AIG1: variants seen among roughly 807,000 people sequenced by gnomAD.
The protein encoded by AIG1 is androgen induced 1.
A neutral mutation model predicts 31.4 loss-of-function variants in AIG1; 23 were observed. That is an observed-to-expected ratio of 0.73 (90% CI 0.53 to 1.04). AIG1 has a LOEUF of 1.04. AIG1 is among the 50% of genes least tolerant of loss of function. The probability of loss-of-function intolerance (pLI) is 0.00; values close to 1 mark genes in which losing one functional copy is unlikely to be tolerated. For missense variants in AIG1, 274 were observed against 295.0 expected (o/e 0.93, Z 0.52); for synonymous variants, 100 against 110.5 (o/e 0.90, Z 0.60).
chr6:143,316,613 C>A (rs1775763524), intron 4 of AIG1, among the ~76,000 whole-genome samples: 1 of 151,792 alleles, frequency 6.6e-6, no homozygotes, highest in African/African-American at 2.4e-5. Context: ...AAGAACAAAC[C>A]AACCCAAACC....
chr6:143,061,046 T>A lies in AIG1; in HGVS notation c.121T>A (p.Phe41Ile). The A allele has an allele frequency of 6.2e-7, 1 of 1,612,942 alleles. No individual in the cohort carries two copies. Among genetic ancestry groups the A allele is most frequent in the Non-Finnish European group, 8.5e-7 (1 of 1,179,504 alleles). The change falls in exon 1 of 6, where the codon TTC (phenylalanine) becomes ATC (isoleucine). Residue 41 changes from phenylalanine to isoleucine, a missense_variant. Around this residue, in one of 2 missense-constraint regions of AIG1, gnomAD observed 243 missense variants for 238.5 expected, o/e 1.02. Transcript: ENST00000357847. ...CCAGACCTACGGAGGGAGCTGGAAA[T>A]TCCTGACGTTCATTGATCTGGTAAG... The part of the protein sequence containing the change: ...SHQTYGGSWK[F>I]LTFIDLVIQA...
At chr6:143,147,046 C>G (rs1432552728) in intron 2 of AIG1, among the ~76,000 whole-genome samples, 1 of 152,064 alleles carries the variant, frequency 6.6e-6, no homozygotes. Context: ...CCTAAGCACC[C>G]CTGAAGAGCA....
At chr6:143,176,966 G>A (rs1191619839) in intron 3 of AIG1, among the ~76,000 whole-genome samples, 5 of 152,238 alleles carry the variant, frequency 3.3e-5, no homozygotes, top group Admixed American at 3.3e-4. Flanking sequence ...CTGAGTGGGA[G>A]CTGCAGGTTA....
At position 143,334,204 on chromosome 6, in the gene AIG1, C is replaced by T; in HGVS notation, c.679+759C>T. 8.9e-7 allele frequency: 1 copy of T among 1,122,644 alleles called. No homozygotes were observed. The highest frequency in any genetic ancestry group is 2.7e-5 in the East Asian group (1 of 36,716). 69.5% of individuals were successfully genotyped at this position (1,122,644 alleles called of 1,614,324 possible). A position where few individuals can be genotyped will look rare whatever the true frequency, so the allele number is the denominator to read the frequency against. On this transcript the variant is annotated intron_variant, in intron 5 of 5. Transcript: ENST00000357847. The surrounding 1 kb of genome is among the most constrained non-coding windows in gnomAD (Gnocchi z 5.1). ...AGCACAGACATGTAGTGATTGAGTCCTGCATGAAAATACATCCAAAGGCAA... is the reference window on the plus strand; with the variant it reads ...AGCACAGACATGTAGTGATTGAGTCTTGCATGAAAATACATCCAAAGGCAA...
At chr6:143,178,208 GGCTGCACA>G (rs1239903234) in intron 3 of AIG1, among the ~76,000 whole-genome samples, 2 of 152,094 alleles carry the variant, frequency 1.3e-5, no homozygotes, top group East Asian at 3.9e-4. Context: ...CTGGGGTCTT[GGCTGCACA>G]GCTGCTATCA....
At chr6:143,342,522 T>C, downstream of AIG1, 2 of 811,070 alleles carry the variant, frequency 2.5e-6, no homozygotes, top group Admixed American at 1.7e-5. Flanking sequence ...TCTTTCTCCC[T>C]ATCCTATAAG....
At chr6:143,215,135 C>A (rs1178901735) in intron 3 of AIG1, among the ~76,000 whole-genome samples, 1 of 152,136 alleles carries the variant, frequency 6.6e-6, no homozygotes, top group Non-Finnish European at 1.5e-5. Context: ...ATGAATTGAT[C>A]AATCACTGAC....
chr6:143,171,410 GTA>G (rs1482761424), intron 3 of AIG1, among the ~76,000 whole-genome samples: 1 of 120,570 alleles, frequency 8.3e-6, no homozygotes, highest in Non-Finnish European at 1.6e-5. Flanking sequence ...AATAGTGTGT[GTA>G]TATATATATA....
chr6:143,059,921 C>T (rs758002265), upstream of AIG1, among the ~76,000 whole-genome samples: 1 of 152,266 alleles, frequency 6.6e-6, no homozygotes, highest in East Asian at 1.9e-4. Flanking sequence ...AGGAGGGACT[C>T]CAGTTTATAT....
chr6:143,155,397 G>A (rs1785644456), intron 2 of AIG1, among the ~76,000 whole-genome samples: 2 of 152,208 alleles, frequency 1.3e-5, no homozygotes, highest in Middle Eastern at 3.4e-3. Context: ...CTTGTGGGGG[G>A]GATATCTAAG....
intron 3 of AIG1, chr6:143,189,593 T>A (rs1338769509): frequency 1.0e-6 from 1 of 985,326 alleles, no homozygotes; most frequent in Admixed American, 6.1e-5. Context: ...GACAGGAAAC[T>A]CAGAAATATT....
chr6:143,253,794 A>G (rs1300053335), intron 3 of AIG1, among the ~76,000 whole-genome samples: 2 of 152,212 alleles, frequency 1.3e-5, no homozygotes, highest in Non-Finnish European at 2.9e-5. Flanking sequence ...CCACTCCAAC[A>G]ACACTTAATC....
Position 143,340,299 on chromosome 6 carries a change from C to A in AIG1, c.*623C>A, listed in dbSNP as rs897777666. 2.4e-4 allele frequency: 36 copies of A among 152,150 alleles called. No individual in the cohort carries two copies. The highest frequency in any genetic ancestry group is 8.4e-4 in the African/African-American group (35 of 41,430). 9.4% of individuals were successfully genotyped at this position (152,150 alleles called of 1,614,324 possible). ...TGCTGACTAATAAAGACAAAGCCAC[C>A]CTGAACCTGACGTCTGCATTGTGCA... On this transcript the variant is annotated 3_prime_UTR_variant, in exon 6 of 6. Transcript: ENST00000357847.
intron 1 of AIG1, among the ~76,000 whole-genome samples, chr6:143,095,516 G>A (rs1359566572): frequency 6.6e-6 from 1 of 152,090 alleles, no homozygotes; most frequent in Admixed American, 6.5e-5. Flanking sequence ...TACCTAGTAA[G>A]GAGCAAAAAT....
At chr6:143,342,389 G>GA (rs1035842219), downstream of AIG1, 17 of 695,832 alleles carry the variant, frequency 2.4e-5, no homozygotes, top group East Asian at 5.1e-5. Context: ...TCTTTATTCA[G>GA]AAAAAAATGT....
intron 1 of AIG1, among the ~76,000 whole-genome samples, chr6:143,103,728 C>G (rs1780545295): frequency 6.6e-6 from 1 of 151,730 alleles, no homozygotes; most frequent in South Asian, 2.1e-4. Context: ...GGGATGGTCT[C>G]GATCTCCTGA....
intron 4 of AIG1, among the ~76,000 whole-genome samples, chr6:143,323,264 G>T (rs139444122): frequency 1.2e-3 from 182 of 152,256 alleles, no homozygotes; most frequent in African/African-American, 4.2e-3. Flanking sequence ...CTTTCAAGAT[G>T]GTGACAGCAT....
At position 143,250,706 on chromosome 6, in the gene AIG1, G is replaced by A. The variant is rs1794950028; in HGVS notation, c.400-33404G>A. 3.3e-5 allele frequency among the ~76,000 whole-genome samples: 5 copies of A among 152,072 alleles called. No homozygotes were observed. In the South Asian group the frequency reaches 8.3e-4, roughly 25 times the overall value. ...CGCTACAAGCCAAGGACTTCCAGCA[G>A]CCTCTAGATCAAGCTTGTCCAACCC... is the stretch of plus-strand genomic sequence containing the variant. On this transcript the variant is annotated intron_variant, in intron 3 of 5. Transcript: ENST00000357847.
At chr6:143,225,272 T>G (rs1212137332) in intron 3 of AIG1, among the ~76,000 whole-genome samples, 1 of 152,128 alleles carries the variant, frequency 6.6e-6, no homozygotes, top group Non-Finnish European at 1.5e-5. Flanking sequence ...TTCATATCCC[T>G]CTCTTTTTTA....
Sources: allele counts gnomAD v4.1 joint callset (sites outside exome capture counted in the v4.1 genomes callset), GRCh38; gene constraint gnomAD v4.1.1; regional missense constraint gnomAD v4.1.1; non-coding constraint Gnocchi (gnomAD v3.1); transcripts MANE v1.5; gene names NCBI Gene and HGNC (gene_info 2026-07-23, HGNC 2026-07-21).